Variants in TTC1 observed in about 807,000 individuals in gnomAD.
TTC1 encodes the protein tetratricopeptide repeat domain 1.
Under a neutral mutation model 37.6 loss-of-function variants are expected in TTC1, and 31 were observed. The observed-to-expected ratio is 0.82, with a 90% CI of 0.62 to 1.11. The LOEUF (loss-of-function observed/expected upper bound fraction) is 1.11, where lower values mean the gene tolerates loss of function less well. Ranked by LOEUF, TTC1 falls within the 50% of genes most tolerant of loss-of-function variation. The pLI, the probability that TTC1 is intolerant of heterozygous loss-of-function variation, is 0.00. For missense variants in TTC1, 351 were observed against 339.0 expected (o/e 1.04, Z -0.28); for synonymous variants, 127 against 122.4 (o/e 1.04, Z -0.25).
At chr5:160,035,944 A>C (rs186213716) in intron 3 of TTC1, among the ~76,000 whole-genome samples, 1 of 145,970 alleles carries the variant, frequency 6.9e-6, no homozygotes, top group East Asian at 2.0e-4. Flanking sequence ...CTGATTTCAG[A>C]TTTTAGGGTT....
rs895657380 is a variant in TTC1 at position 160,057,987 on chromosome 5, G to A, written c.745+6804G>A. Among the ~76,000 whole-genome samples, 21 of 152,114 alleles carry A rather than the reference G, an allele frequency of 1.4e-4. No homozygotes were observed. The highest frequency in any genetic ancestry group is 3.6e-4 in the African/African-American group (15 of 41,414). ...TCACCATGTTGGCCAGGCTGGTCTC[G>A]AACTCCTGAACTCAGGTGATTGGCC... On this transcript the variant is annotated intron_variant, in intron 7 of 7. Coordinates refer to ENST00000231238, the MANE Select transcript of TTC1 (RefSeq NM_003314.3). The surrounding 1 kb of genome is among the most constrained non-coding windows in gnomAD (Gnocchi z 4.4).
In TTC1 at chr5:160,010,787, G is replaced by A. The variant is rs780522096; in HGVS notation, c.259G>A (p.Val87Met). 1.2e-6 allele frequency: 2 copies of A among 1,614,240 alleles called. No individual in the cohort carries two copies. Among genetic ancestry groups the A allele is most frequent in the East Asian group, 4.5e-5 (2 of 44,888 alleles). The change falls in exon 2 of 8, where the codon GTG becomes ATG. Residue 87 changes from valine to methionine, a missense_variant. Transcript: ENST00000231238. Reference protein sequence around the residue: ...DKVENKSNEDVNSSELDEEYL... With the variant: ...DKVENKSNEDMNSSELDEEYL... The stretch of plus-strand genomic sequence containing the variant: ...GGTTGAGAACAAATCTAATGAAGAT[G>A]TGAATTCCTCTGAACTAGATGAAGA...
At chr5:160,045,491 C>T (rs942645749) in intron 5 of TTC1, among the ~76,000 whole-genome samples, 140 of 121,124 alleles carry the variant, frequency 1.2e-3, no homozygotes, top group South Asian at 3.2e-3. Context: ...CACACACACA[C>T]ACACACACAC....
intron 4 of TTC1, chr5:160,038,869 G>C (rs1450852818): frequency 6.6e-6 from 1 of 152,036 alleles, no homozygotes; most frequent in Non-Finnish European, 1.5e-5. Context: ...CACCATGTTG[G>C]TCAAGCTGGT....
chr5:160,023,166 G>GA (rs1165659162), intron 2 of TTC1, among the ~76,000 whole-genome samples: 3 of 150,990 alleles, frequency 2.0e-5, no homozygotes, highest in African/African-American at 7.3e-5. Context: ...TGAGGCAGGA[G>GA]AATCACTTGA....
intron 5 of TTC1, among the ~76,000 whole-genome samples, chr5:160,048,413 C>T (rs927273045): frequency 2.0e-5 from 3 of 152,044 alleles, no homozygotes; most frequent in African/African-American, 7.2e-5. Context: ...CCTCGGCCTC[C>T]CAAAGTGCTG....
At chr5:160,027,849 C>T (rs1244901486) in intron 2 of TTC1, among the ~76,000 whole-genome samples, 2 of 152,184 alleles carry the variant, frequency 1.3e-5, no homozygotes, top group Non-Finnish European at 2.9e-5. Context: ...TCTCTTCTAT[C>T]ATTTTTCTCT....
intron 2 of TTC1, among the ~76,000 whole-genome samples, chr5:160,026,219 G>A (rs75551795): frequency 0.081 from 12,398 of 152,256 alleles, 692 homozygotes; most frequent in Admixed American, 0.18. Flanking sequence ...GGATGTCGGG[G>A]TGAGAGAATT....
intron 2 of TTC1, chr5:160,023,844 A>C: frequency 6.2e-7 from 1 of 1,613,366 alleles, no homozygotes; most frequent in Non-Finnish European, 8.5e-7. Flanking sequence ...GAGTCAGATG[A>C]CTTCCAATTC....
chr5:160,044,662 TGGCTTTGGTG>T (rs1002889982), intron 5 of TTC1, among the ~76,000 whole-genome samples: 1 of 152,244 alleles, frequency 6.6e-6, no homozygotes, highest in Admixed American at 6.5e-5. Context: ...ATCGCCATCT[TGGCTTTGGTG>T]GGCTTTGGCC....
chr5:160,010,215 G>T (rs1021027454), intron 1 of TTC1, among the ~76,000 whole-genome samples: 2 of 133,768 alleles, frequency 1.5e-5, no homozygotes, highest in Non-Finnish European at 3.0e-5. Flanking sequence ...CCGAGATCGC[G>T]CCACTGCACT....
At chr5:160,024,593 C>T (rs1372787915) in intron 2 of TTC1, among the ~76,000 whole-genome samples, 1 of 152,028 alleles carries the variant, frequency 6.6e-6, no homozygotes, top group African/African-American at 2.4e-5. Context: ...AACTTACGGG[C>T]TCAAGTGATC....
At chr5:160,045,845 C>T (rs543214414) in intron 5 of TTC1, among the ~76,000 whole-genome samples, 9 of 152,082 alleles carry the variant, frequency 5.9e-5, no homozygotes, top group South Asian at 2.1e-4. Flanking sequence ...CAGGTTCAAG[C>T]GACTCTTCTG....
intron 5 of TTC1, among the ~76,000 whole-genome samples, chr5:160,045,751 T>C (rs1257383995): frequency 6.6e-6 from 1 of 151,906 alleles, no homozygotes; most frequent in Non-Finnish European, 1.5e-5. Flanking sequence ...TATTTTTTAT[T>C]TTATTTTTTG....
chr5:160,037,818 A>G (rs1161778686), intron 4 of TTC1, among the ~76,000 whole-genome samples: 1 of 151,594 alleles, frequency 6.6e-6, no homozygotes, highest in East Asian at 1.9e-4. Context: ...TTTTTAAACT[A>G]TGGCTACTTA....
At chr5:160,012,781 A>G (rs1581090606) in intron 2 of TTC1, among the ~76,000 whole-genome samples, 1 of 152,326 alleles carries the variant, frequency 6.6e-6, no homozygotes, top group East Asian at 1.9e-4. Flanking sequence ...ACTGTATATC[A>G]GTTCTCATGT....
chr5:160,052,090 G>T (rs1757415521), intron 7 of TTC1, among the ~76,000 whole-genome samples: 1 of 152,212 alleles, frequency 6.6e-6, no homozygotes, highest in Admixed American at 6.5e-5. Flanking sequence ...AGAGACTTTG[G>T]CCCCTGCCGG....
At chr5:160,037,701 CAAAA>C (rs1302020423) in intron 4 of TTC1, among the ~76,000 whole-genome samples, 1 of 148,906 alleles carries the variant, frequency 6.7e-6, no homozygotes, top group Non-Finnish European at 1.5e-5. Context: ...AACTCTGTCT[CAAAA>C]AAAAAGTTAG....
At chr5:160,037,631 G>A (rs994121172) in intron 4 of TTC1, among the ~76,000 whole-genome samples, 1 of 152,170 alleles carries the variant, frequency 6.6e-6, no homozygotes, top group Non-Finnish European at 1.5e-5. Context: ...CAGGAGAGTC[G>A]CTGAAGCCTG....
Sources: allele counts gnomAD v4.1 joint callset (sites outside exome capture counted in the v4.1 genomes callset), GRCh38; gene constraint gnomAD v4.1.1; non-coding constraint Gnocchi (gnomAD v3.1); transcripts MANE v1.5; gene names NCBI Gene and HGNC (gene_info 2026-07-23, HGNC 2026-07-21).